The following NIBAN2 variants were observed in gnomAD, a reference collection of about 807,000 sequenced individuals.
NIBAN2 encodes the protein protein Niban 2.
NIBAN2 carries 36 observed loss-of-function variants against 81.8 expected under a neutral mutation model. That is an observed-to-expected ratio of 0.44 (90% CI 0.34 to 0.58). The LOEUF (loss-of-function observed/expected upper bound fraction) is 0.58. Among genes scored for constraint, NIBAN2 ranks in the 20% least tolerant of loss-of-function variants. NIBAN2 has a pLI of 0.02. For missense variants in NIBAN2, 897 were observed against 1,014.1 expected, an observed-to-expected ratio of 0.88 and a Z score of 1.57; for synonymous variants, 445 against 441.6, an observed-to-expected ratio of 1.01 and a Z score of -0.10.
At chr9:127,519,632 G>C (rs561709795) in intron 5 of NIBAN2, among the ~76,000 whole-genome samples, 3 of 152,378 alleles carry the variant, frequency 2.0e-5, no homozygotes, top group Admixed American at 1.3e-4. Flanking sequence ...AGCTGAGCAG[G>C]GGGAGGCCCA....
At chr9:127,576,378 C>T (rs1325605163) in intron 1 of NIBAN2, among the ~76,000 whole-genome samples, 1 of 152,068 alleles carries the variant, frequency 6.6e-6, no homozygotes, top group Non-Finnish European at 1.5e-5. Flanking sequence ...TTCCCAGGCA[C>T]AAATTCCGTG....
rs569889006 is a variant in NIBAN2 at position 127,517,730 on chromosome 9, G to A, written c.705+96C>T. On this transcript the variant is annotated intron_variant, in intron 6 of 13. Coordinates refer to ENST00000373312, the MANE Select transcript of NIBAN2 (RefSeq NM_022833.4). This position sits in a 1 kb window ranked among gnomAD's most constrained non-coding sequence, Gnocchi z 4.0. Reference sequence around the variant, plus strand: ...TGTCATCTCCTTCCAAACCGGCAGCGCCCCAGAGCCCCATCTCTGTACCCC... The same window carrying A: ...TGTCATCTCCTTCCAAACCGGCAGCACCCCAGAGCCCCATCTCTGTACCCC... 690 of 845,386 alleles carry A rather than the reference G, an allele frequency of 8.2e-4. 3 individuals carry two copies. The highest frequency in any genetic ancestry group is 3.7e-3 in the South Asian group (244 of 66,154). 52.4% of individuals were successfully genotyped at this position (845,386 alleles called of 1,614,324 possible). A position where few individuals can be genotyped will look rare whatever the true frequency, so the allele number is the denominator to read the frequency against.
chr9:127,558,842 G>C (rs1180713393), intron 1 of NIBAN2, among the ~76,000 whole-genome samples: 1 of 152,178 alleles, frequency 6.6e-6, no homozygotes. Flanking sequence ...TAAGAATTCA[G>C]CTAAAACGCA....
Position 127,559,382 on chromosome 9 carries a change from A to G in NIBAN2, c.55+9438T>C, listed in dbSNP as rs1837731469. ...AGCTGGAAGTGCATGCCCGTTGCAC[A>G]GATAGGCAAAGTGAGGAGGAGGCAC... On this transcript the variant is annotated intron_variant, in intron 1 of 13. Transcript: ENST00000373312. This position sits in a 1 kb window ranked among gnomAD's most constrained non-coding sequence, Gnocchi z 4.0. Among the ~76,000 whole-genome samples, 1 of 152,210 alleles carries G rather than the reference A, an allele frequency of 6.6e-6. No homozygotes were observed. The highest frequency in any genetic ancestry group is 2.1e-4 in the South Asian group (1 of 4,828).
intron 1 of NIBAN2, among the ~76,000 whole-genome samples, chr9:127,548,337 C>G (rs909508390): frequency 1.3e-5 from 2 of 152,214 alleles, no homozygotes; most frequent in Non-Finnish European, 2.9e-5. Context: ...CTCTGTGACA[C>G]TGGCATGGAG....
chr9:127,535,370 G>A (rs543584124), intron 1 of NIBAN2, among the ~76,000 whole-genome samples: 2 of 152,372 alleles, frequency 1.3e-5, no homozygotes, highest in South Asian at 4.1e-4. Flanking sequence ...GGCTGGGCTG[G>A]GGAGGACAAA....
At chr9:127,577,751 T>G (rs1838026401) in intron 1 of NIBAN2, among the ~76,000 whole-genome samples, 1 of 150,508 alleles carries the variant, frequency 6.6e-6, no homozygotes, top group Admixed American at 6.6e-5. Context: ...CCTCTTGCTC[T>G]GTAACCCAGG....
At chr9:127,519,906 T>A (rs1462717453) in intron 5 of NIBAN2, among the ~76,000 whole-genome samples, 1 of 152,166 alleles carries the variant, frequency 6.6e-6, no homozygotes, top group Non-Finnish European at 1.5e-5. Context: ...GTGCGTTACC[T>A]GCAGGCACTC....
chr9:127,530,287 C>G (rs1837153353), intron 2 of NIBAN2, among the ~76,000 whole-genome samples: 1 of 152,224 alleles, frequency 6.6e-6, no homozygotes, highest in South Asian at 2.1e-4. Flanking sequence ...CTCTGAGCAG[C>G]TCCGACACAC....
At chr9:127,568,772 G>C (rs1006917793) in intron 1 of NIBAN2, 48 bp downstream of exon 1, 7 of 1,249,318 alleles carry the variant, frequency 5.6e-6, no homozygotes, top group Admixed American at 4.3e-5. Flanking sequence ...GCGTGGTCCG[G>C]GGGTTCCGGC....
In NIBAN2 at chr9:127,508,906, C is replaced by T. The variant is rs918899239; in HGVS notation, c.1317+70G>A. On this transcript the variant is annotated intron_variant, in intron 10 of 13. Coordinates refer to ENST00000373312, the MANE Select transcript of NIBAN2 (RefSeq NM_022833.4). This position sits in a 1 kb window ranked among gnomAD's most constrained non-coding sequence, Gnocchi z 6.4. The stretch of plus-strand genomic sequence containing the variant: ...CATGACGGGACGGAGCAGAAGGGAC[C>T]CCCTGGGCGAGGGGGCCTGTGGAAG... 3 of 1,563,234 alleles carry T rather than the reference C, an allele frequency of 1.9e-6. No homozygotes were observed. The highest frequency in any genetic ancestry group is 1.4e-5 in the African/African-American group (1 of 73,792).
At position 127,527,271 on chromosome 9, in the gene NIBAN2, CCTGGTG is replaced by C. The variant is rs1457289200; in HGVS notation, c.232_237del (p.His78_Gln79del). On this transcript the variant is annotated inframe_deletion, in exon 3 of 14. Transcript: ENST00000373312. ...CGGTTTCTCCACTTCTTGCTGTCCT[CCTGGTG>C]CTGGAAGAGGTTCCCCGAGAAGACG... 1 of 1,613,874 alleles carries C rather than the reference CCTGGTG, an allele frequency of 6.2e-7. No homozygotes were observed. The highest frequency in any genetic ancestry group is 8.5e-7 in the Non-Finnish European group (1 of 1,180,006).
intron 1 of NIBAN2, among the ~76,000 whole-genome samples, chr9:127,551,768 C>T (rs762524069): frequency 6.6e-6 from 1 of 152,094 alleles, no homozygotes; most frequent in Non-Finnish European, 1.5e-5. Context: ...CAGTGTCATG[C>T]ACATGGGAGC....
chr9:127,529,215 G>C lies in NIBAN2; in HGVS notation c.187-1893C>G, dbSNP rs75021816. On this transcript the variant is annotated intron_variant, in intron 2 of 13. Transcript: ENST00000373312. ...CTGGAACTCCTGTGTCGGCACCACCGACTGCCAGATCCTGGACAAGTAGCT... is the reference window on the plus strand; with the variant it reads ...CTGGAACTCCTGTGTCGGCACCACCCACTGCCAGATCCTGGACAAGTAGCT... Among the ~76,000 whole-genome samples the C allele has an allele frequency of 4.1e-3, 630 of 152,316 alleles. 8 individuals are homozygous for C. In the East Asian group the frequency reaches 0.047, roughly 11 times the overall value.
chr9:127,550,198 C>T (rs1837550372), intron 1 of NIBAN2, among the ~76,000 whole-genome samples: 1 of 152,166 alleles, frequency 6.6e-6, no homozygotes. Context: ...GTCTCCTCCC[C>T]GTACCGTGAA....
chr9:127,535,221 C>T (rs1286263509), intron 1 of NIBAN2, among the ~76,000 whole-genome samples: 1 of 152,260 alleles, frequency 6.6e-6, no homozygotes, highest in Non-Finnish European at 1.5e-5. Flanking sequence ...CCTCACGGAG[C>T]AGGCCCTGGA....
intron 1 of NIBAN2, among the ~76,000 whole-genome samples, chr9:127,537,714 C>G (rs371370663): frequency 1.1e-4 from 16 of 152,292 alleles, no homozygotes; most frequent in African/African-American, 3.8e-4. Context: ...TTCTTTGCCC[C>G]AACACACACC....
chr9:127,542,619 GCTGTCCTTC>G (rs369410069), intron 1 of NIBAN2, among the ~76,000 whole-genome samples: 197 of 152,312 alleles, frequency 1.3e-3, no homozygotes, highest in African/African-American at 4.6e-3. Context: ...TGTACACTGT[GCTGTCCTTC>G]CTTGGGAAGG....
At position 127,559,375 on chromosome 9, in the gene NIBAN2, G is replaced by A. The variant is rs78973003; in HGVS notation, c.55+9445C>T. 8.6e-3 allele frequency among the ~76,000 whole-genome samples: 1,311 copies of A among 152,318 alleles called. 19 individuals are homozygous for A. Among genetic ancestry groups the A allele is most frequent in the African/African-American group, 0.03 (1,260 of 41,560 alleles). ...GGGTCACAGCTGGAAGTGCATGCCC[G>A]TTGCACAGATAGGCAAAGTGAGGAG... is the stretch of plus-strand genomic sequence containing the variant. On this transcript the variant is annotated intron_variant, in intron 1 of 13. Coordinates refer to ENST00000373312, the MANE Select transcript of NIBAN2 (RefSeq NM_022833.4). The surrounding 1 kb of genome is among the most constrained non-coding windows in gnomAD (Gnocchi z 4.0).
Sources: gnomAD v4.1 joint callset for allele counts (sites outside exome capture counted in the v4.1 genomes callset) on GRCh38, gnomAD v4.1.1 for gene constraint, Gnocchi (gnomAD v3.1) non-coding constraint, MANE v1.5 for transcripts, NCBI Gene and HGNC (gene_info 2026-07-23, HGNC 2026-07-21) for gene names.